RAB2A: variants seen among roughly 807,000 people sequenced by gnomAD.
RAB2A encodes RAB2A, member RAS oncogene family, also known as ras-related protein Rab-2A.
In RAB2A, 7 loss-of-function variants were observed where a neutral mutation model predicts 32.5. That is an observed-to-expected ratio of 0.22 (90% CI 0.12 to 0.40). RAB2A has a LOEUF of 0.40. RAB2A is among the 10% of genes least tolerant of loss of function. The probability of loss-of-function intolerance (pLI) is 1.00; values close to 1 mark genes in which losing one functional copy is unlikely to be tolerated. For synonymous variants in RAB2A, 79 were observed against 85.2 expected, an observed-to-expected ratio of 0.93 and a Z score of 0.40; for missense variants, 108 against 260.7, an observed-to-expected ratio of 0.41 and a Z score of 4.03.
intron 1 of RAB2A, among the ~76,000 whole-genome samples, chr8:60,542,919 G>A (rs932589583): frequency 6.6e-6 from 1 of 152,160 alleles, no homozygotes; most frequent in African/African-American, 2.4e-5. Flanking sequence ...AATATAGTAG[G>A]CATGCATTCA....
At chr8:60,539,725 T>C (rs1465035316) in intron 1 of RAB2A, among the ~76,000 whole-genome samples, 1 of 152,176 alleles carries the variant, frequency 6.6e-6, no homozygotes, top group Non-Finnish European at 1.5e-5. Context: ...GTATGGCATT[T>C]TGTAAGAGGG....
rs960669225 is a variant in RAB2A, at chr8:60,608,864, C to T, written c.475-9716C>T. On this transcript the variant is annotated intron_variant, in intron 6 of 7. Transcript: ENST00000262646. Reference sequence around the variant, plus strand: ...TTCTATAGTGTTCTTTCTCTTACCCCTTGACATTGATTTATTCAGTTAATA... The same window carrying T: ...TTCTATAGTGTTCTTTCTCTTACCCTTTGACATTGATTTATTCAGTTAATA... Among the ~76,000 whole-genome samples the T allele has an allele frequency of 2.6e-5, 4 of 152,138 alleles. No homozygotes were observed. The South Asian group carries it at 6.2e-4, about 24-fold the overall frequency.
At chr8:60,557,474 C>CCA (rs1202878229) in intron 1 of RAB2A, among the ~76,000 whole-genome samples, 4 of 152,130 alleles carry the variant, frequency 2.6e-5, no homozygotes, top group African/African-American at 9.7e-5. Flanking sequence ...TGAGATCAAG[C>CCA]CACTGCACTC....
chr8:60,604,527 GATA>G (rs1275646519), intron 6 of RAB2A, among the ~76,000 whole-genome samples: 1 of 152,150 alleles, frequency 6.6e-6, no homozygotes, highest in Non-Finnish European at 1.5e-5. Flanking sequence ...CCAAAATGCT[GATA>G]ATGATGTGGA....
At chr8:60,598,199 C>CA (rs1804063987) in intron 6 of RAB2A, among the ~76,000 whole-genome samples, 1 of 151,668 alleles carries the variant, frequency 6.6e-6, no homozygotes, top group South Asian at 2.1e-4. Context: ...CTACGTCTCA[C>CA]AAAAAAGAAA....
At chr8:60,606,199 T>C (rs186232881) in intron 6 of RAB2A, among the ~76,000 whole-genome samples, 115 of 151,896 alleles carry the variant, frequency 7.6e-4, no homozygotes, top group Admixed American at 1.2e-3. Flanking sequence ...CACCCTGAGC[T>C]GGGAGGGAGT....
At chr8:60,574,350 T>C (rs547832239) in intron 3 of RAB2A, among the ~76,000 whole-genome samples, 1 of 152,350 alleles carries the variant, frequency 6.6e-6, no homozygotes, top group Admixed American at 6.5e-5. Flanking sequence ...CTTTGTATCC[T>C]GCATTCTTAG....
At chr8:60,564,082 T>C in intron 2 of RAB2A, among the ~76,000 whole-genome samples, 1 of 152,388 alleles carries the variant, frequency 6.6e-6, no homozygotes, top group East Asian at 1.9e-4. Context: ...ATTGTACTTT[T>C]ATTTCCATTA....
chr8:60,542,084 G>C (rs116094643), intron 1 of RAB2A, among the ~76,000 whole-genome samples: 1,666 of 152,256 alleles, frequency 0.011, 36 homozygotes, highest in African/African-American at 0.037. Context: ...AAAATCAGGA[G>C]AATACAAAGG....
chr8:60,536,756 T>C (rs1807564130), intron 1 of RAB2A, among the ~76,000 whole-genome samples: 1 of 152,214 alleles, frequency 6.6e-6, no homozygotes, highest in Admixed American at 6.5e-5. Context: ...TGAGGTAACA[T>C]TCTTTTTGGT....
chr8:60,529,251 T>C (rs1807439934), intron 1 of RAB2A, among the ~76,000 whole-genome samples: 1 of 152,274 alleles, frequency 6.6e-6, no homozygotes, highest in Admixed American at 6.5e-5. Flanking sequence ...ATGTTCCATA[T>C]GTGCTTGAAA....
chr8:60,526,020 C>CATATATATATATAT (rs146162692), intron 1 of RAB2A, among the ~76,000 whole-genome samples: 37 of 92,334 alleles, frequency 4.0e-4, no homozygotes, highest in African/African-American at 5.7e-4. Flanking sequence ...TGTGTGTGTA[C>CATATATATATATAT]ATATATATAT....
intron 6 of RAB2A, among the ~76,000 whole-genome samples, chr8:60,600,121 A>G (rs1450610189): frequency 6.6e-6 from 1 of 152,132 alleles, no homozygotes; most frequent in African/African-American, 2.4e-5. Context: ...ATGAGCAGAT[A>G]TTTCATTGAA....
Position 60,598,229 on chromosome 8 carries a change from A to C in RAB2A, c.474+6260A>C, listed in dbSNP as rs1804064655. Among the ~76,000 whole-genome samples, 4 of 152,150 alleles carry C rather than the reference A, an allele frequency of 2.6e-5. No homozygotes were observed. The South Asian group carries it at 8.3e-4, about 32-fold the overall frequency. On this transcript the variant is annotated intron_variant, in intron 6 of 7. Transcript: ENST00000262646. The stretch of plus-strand genomic sequence containing the variant: ...AAGAAAAAAATTGAATAGCCCTATA[A>C]ACTACAACGGAAATTGAATTCATAG...
chr8:60,583,066 T>C (rs1439888591), intron 3 of RAB2A, among the ~76,000 whole-genome samples: 5 of 151,566 alleles, frequency 3.3e-5, no homozygotes, highest in Non-Finnish European at 7.4e-5. Context: ...GGAGGGAGTA[T>C]AGAGGAAGGG....
chr8:60,619,442 G>A (rs556897780), intron 7 of RAB2A, among the ~76,000 whole-genome samples: 19 of 152,292 alleles, frequency 1.2e-4, no homozygotes, highest in Non-Finnish European at 2.9e-5. Flanking sequence ...AAAGCATTGT[G>A]TTAGGAAGCC....
rs1319855678 is a variant in RAB2A at position 60,623,295 on chromosome 8, C to T, written c.*2526C>T. ...TAGCCTGTTAGCAGGAAAATAGTCC[C>T]TATTTATCTGCTAATGGTCAAAAAG... On this transcript the variant is annotated 3_prime_UTR_variant, in exon 8 of 8. Coordinates refer to ENST00000262646, the MANE Select transcript of RAB2A (RefSeq NM_002865.3). 1 of 152,158 alleles carries T rather than the reference C, an allele frequency of 6.6e-6. No individual in the cohort carries two copies. The highest frequency in any genetic ancestry group is 1.5e-5 in the Non-Finnish European group (1 of 68,034). 9.4% of individuals were successfully genotyped at this position (152,158 alleles called of 1,614,324 possible). A position where few individuals can be genotyped will look rare whatever the true frequency, so the allele number is the denominator to read the frequency against.
chr8:60,591,110 TA>T (rs1361426656), intron 5 of RAB2A, among the ~76,000 whole-genome samples: 2 of 138,056 alleles, frequency 1.4e-5, no homozygotes, highest in Non-Finnish European at 3.1e-5. Context: ...AAATAATATA[TA>T]AAAAGTAATA....
At chr8:60,591,052 G>T (rs765535935) in intron 5 of RAB2A, among the ~76,000 whole-genome samples, 2 of 151,802 alleles carry the variant, frequency 1.3e-5, no homozygotes, top group Non-Finnish European at 2.9e-5. Flanking sequence ...CTGGAAGTAT[G>T]TGGACATTAT....
Sources: allele counts gnomAD v4.1 joint callset (sites outside exome capture counted in the v4.1 genomes callset), GRCh38; gene constraint gnomAD v4.1.1; transcripts MANE v1.5; gene names NCBI Gene and HGNC (gene_info 2026-07-23, HGNC 2026-07-21).